The following FAM114A1 variants were observed in gnomAD, a reference collection of about 807,000 sequenced individuals.
The protein encoded by FAM114A1 is protein NOXP20.
FAM114A1 carries 62 observed loss-of-function variants against 64.3 expected under a neutral mutation model. The observed-to-expected ratio is 0.96, with a 90% CI of 0.79 to 1.19. The LOEUF (loss-of-function observed/expected upper bound fraction) is 1.19. Among genes scored for constraint, FAM114A1 ranks in the 50% most tolerant of loss-of-function variants. FAM114A1 has a pLI of 0.00. For missense variants in FAM114A1, 645 were observed against 676.3 expected (o/e 0.95, Z 0.51); for synonymous variants, 254 against 251.1 (o/e 1.01, Z -0.11).
intron 3 of FAM114A1, among the ~76,000 whole-genome samples, chr4:38,886,359 C>T (rs1422385228): frequency 6.6e-6 from 1 of 151,438 alleles, no homozygotes; most frequent in African/African-American, 2.4e-5. Flanking sequence ...TTAGTAGAGA[C>T]GGGGTTTCAC....
At chr4:38,911,844 C>CTTTTTTTTTTTTTTTTTTTT (rs771972308) in intron 7 of FAM114A1, among the ~76,000 whole-genome samples, 1 of 115,190 alleles carries the variant, frequency 8.7e-6, no homozygotes, top group Non-Finnish European at 1.8e-5. Flanking sequence ...TTTTTTTTTT[C>CTTTTTTTTTTTTTTTTTTTT]TTTTTTTTTC....
intron 8 of FAM114A1, among the ~76,000 whole-genome samples, chr4:38,922,559 C>A (rs1040871725): frequency 6.6e-6 from 1 of 152,150 alleles, no homozygotes; most frequent in African/African-American, 2.4e-5. Context: ...CACAAAGAAT[C>A]TCCCTTTAAA....
At chr4:38,882,901 G>A (rs1296985546) in intron 3 of FAM114A1, among the ~76,000 whole-genome samples, 1 of 152,240 alleles carries the variant, frequency 6.6e-6, no homozygotes, top group Non-Finnish European at 1.5e-5. Flanking sequence ...CCAGAGTCAA[G>A]GAGGAGGCCA....
At chr4:38,887,692 T>C (rs2109589560) in intron 3 of FAM114A1, among the ~76,000 whole-genome samples, 1 of 152,350 alleles carries the variant, frequency 6.6e-6, no homozygotes, top group East Asian at 1.9e-4. Context: ...GAATAGCGTA[T>C]CTTCCATGCT....
chr4:38,916,012 C>G (rs1281378694), intron 8 of FAM114A1, among the ~76,000 whole-genome samples: 1 of 152,116 alleles, frequency 6.6e-6, no homozygotes, highest in African/African-American at 2.4e-5. Flanking sequence ...GGTCCCTAGA[C>G]AAGAAGCTCA....
intron 13 of FAM114A1, among the ~76,000 whole-genome samples, chr4:38,939,944 A>T (rs1721460643): frequency 6.8e-6 from 1 of 147,328 alleles, no homozygotes; most frequent in Admixed American, 6.8e-5. Context: ...GTTGGAGTGC[A>T]ATGGTGCCAT....
At chr4:38,910,418 G>C (rs980422361) in intron 7 of FAM114A1, among the ~76,000 whole-genome samples, 1 of 152,180 alleles carries the variant, frequency 6.6e-6, no homozygotes, top group Non-Finnish European at 1.5e-5. Context: ...GTCCCAGGGG[G>C]CTCTCATGGC....
intron 13 of FAM114A1, among the ~76,000 whole-genome samples, chr4:38,936,802 C>T (rs981088841): frequency 2.6e-5 from 4 of 151,788 alleles, no homozygotes; most frequent in Non-Finnish European, 4.4e-5. Flanking sequence ...CCACCGGCCT[C>T]GGCCTCCCAA....
chr4:38,943,191 C>CAAA (rs1255932256), intron 14 of FAM114A1, among the ~76,000 whole-genome samples: 4 of 88,846 alleles, frequency 4.5e-5, no homozygotes, highest in South Asian at 3.8e-4. Flanking sequence ...GACTCTGTCT[C>CAAA]AAAAAAAAAA....
intron 4 of FAM114A1, among the ~76,000 whole-genome samples, chr4:38,899,173 G>C (rs1226138162): frequency 6.6e-6 from 1 of 152,056 alleles, no homozygotes; most frequent in East Asian, 1.9e-4. Flanking sequence ...TTACTGTGAA[G>C]TGCTTTCTGG....
rs1207185669 is a variant in FAM114A1 at position 38,878,111 on chromosome 4, T to C, written c.33T>C (p.Thr11=). The C allele has an allele frequency of 4.3e-6, 7 of 1,612,966 alleles. No homozygotes were observed. Among genetic ancestry groups the C allele is most frequent in the Non-Finnish European group, 5.9e-6 (7 of 1,179,282 alleles). The stretch of plus-strand genomic sequence containing the variant: ...ATGATGCTGGTGACACCTTAGCCAC[T>C]GGAGACAAAGCAGAAGTTACTGAGA... MSDDAGDTLA[T]GDKAEVTEMP... is the part of the protein sequence containing the mutation. Residue 11 remains threonine, a synonymous_variant, in exon 3 of 15, where the codon ACT becomes ACC. Coordinates refer to ENST00000358869, the MANE Select transcript of FAM114A1 (RefSeq NM_138389.4).
intron 10 of FAM114A1, among the ~76,000 whole-genome samples, chr4:38,930,782 A>C (rs1339567449): frequency 9.2e-5 from 14 of 152,234 alleles, no homozygotes; most frequent in Admixed American, 8.5e-4. Context: ...AGGGAATAAC[A>C]GGCAGGGGAG....
At chr4:38,913,083 A>C (rs557070286) in intron 7 of FAM114A1, among the ~76,000 whole-genome samples, 3 of 152,228 alleles carry the variant, frequency 2.0e-5, no homozygotes, top group Non-Finnish European at 4.4e-5. Context: ...AATAAAAACC[A>C]AAGTCTATTC....
intron 3 of FAM114A1, among the ~76,000 whole-genome samples, chr4:38,880,828 A>C (rs11939965): frequency 2.6e-5 from 4 of 152,218 alleles, no homozygotes; most frequent in African/African-American, 9.6e-5. Context: ...AATCCATACT[A>C]ATTCAAAATC....
intron 4 of FAM114A1, among the ~76,000 whole-genome samples, chr4:38,901,301 C>T (rs1483954698): frequency 1.5e-5 from 2 of 137,918 alleles, no homozygotes; most frequent in Admixed American, 7.3e-5. Context: ...TTTTTTTGAG[C>T]TGGAGTCCTA....
chr4:38,941,523 C>G (rs146387811), intron 14 of FAM114A1, among the ~76,000 whole-genome samples: 1 of 152,208 alleles, frequency 6.6e-6, no homozygotes, highest in African/African-American at 2.4e-5. Context: ...TGTGGCCTGC[C>G]CACTCACTAG....
chr4:38,884,601 A>G (rs764961638), intron 3 of FAM114A1, among the ~76,000 whole-genome samples: 6 of 152,246 alleles, frequency 3.9e-5, no homozygotes, highest in Non-Finnish European at 5.9e-5. Context: ...ACCACATTCT[A>G]TAAGCGAAAT....
At chr4:38,898,913 AAT>A (rs1206916931) in intron 4 of FAM114A1, among the ~76,000 whole-genome samples, 1 of 148,390 alleles carries the variant, frequency 6.7e-6, no homozygotes, top group African/African-American at 2.5e-5. Context: ...ATATATGAGT[AAT>A]ATATATGTTA....
intron 3 of FAM114A1, among the ~76,000 whole-genome samples, chr4:38,880,756 A>G (rs1444574013): frequency 2.6e-5 from 4 of 152,372 alleles, no homozygotes; most frequent in Admixed American, 1.3e-4. Flanking sequence ...TAAGAAAAAT[A>G]TAACTTAGCC....
Sources: allele counts gnomAD v4.1 joint callset (sites outside exome capture counted in the v4.1 genomes callset), GRCh38; gene constraint gnomAD v4.1.1; transcripts MANE v1.5; gene names NCBI Gene and HGNC (gene_info 2026-07-23, HGNC 2026-07-21).